Variants in SLC9A9 observed in about 807,000 individuals in gnomAD.
SLC9A9 encodes solute carrier family 9 member A9.
In SLC9A9, 62 loss-of-function variants were observed where a neutral mutation model predicts 77.8. The observed-to-expected ratio is 0.80, with a 90% CI of 0.65 to 0.98. The LOEUF (loss-of-function observed/expected upper bound fraction) is 0.98, where lower values mean the gene tolerates loss of function less well. SLC9A9 is among the 50% of genes least tolerant of loss of function. The pLI is 0.00. For synonymous variants in SLC9A9, 320 were observed against 283.5 expected, an observed-to-expected ratio of 1.13 and a Z score of -1.29; for missense variants, 775 against 774.9, an observed-to-expected ratio of 1.00 and a Z score of 0.00.
chr3:143,767,780 C>A (rs962113572), intron 4 of SLC9A9, among the ~76,000 whole-genome samples: 2 of 152,138 alleles, frequency 1.3e-5, no homozygotes, highest in Admixed American at 1.3e-4. Flanking sequence ...TAATTTCCAA[C>A]CATCTTTATC....
chr3:143,280,699 C>T (rs1220467064), intron 14 of SLC9A9, among the ~76,000 whole-genome samples: 4 of 151,834 alleles, frequency 2.6e-5, no homozygotes, highest in Admixed American at 1.3e-4. Context: ...TACAGGCTCC[C>T]GCTGCCATGC....
chr3:143,275,002 C>A (rs1233143810), intron 14 of SLC9A9, among the ~76,000 whole-genome samples: 1 of 152,152 alleles, frequency 6.6e-6, no homozygotes, highest in Non-Finnish European at 1.5e-5. Context: ...CTCATGCCTA[C>A]CTCCAGGCCT....
At chr3:143,821,545 G>A (rs1249312300) in intron 2 of SLC9A9, among the ~76,000 whole-genome samples, 1 of 152,074 alleles carries the variant, frequency 6.6e-6, no homozygotes, top group Non-Finnish European at 1.5e-5. Flanking sequence ...GGACTTTTTG[G>A]GGACGTGAAA....
chr3:143,628,450 C>G (rs975333636), intron 6 of SLC9A9, among the ~76,000 whole-genome samples: 2 of 152,038 alleles, frequency 1.3e-5, no homozygotes, highest in Admixed American at 6.6e-5. Flanking sequence ...GAATACTGTT[C>G]CAAAAGTGAA....
chr3:143,408,728 T>C (rs2034033873), intron 12 of SLC9A9, among the ~76,000 whole-genome samples: 1 of 152,156 alleles, frequency 6.6e-6, no homozygotes, highest in Non-Finnish European at 1.5e-5. Context: ...GACAAAAACA[T>C]GAGTATCATA....
intron 5 of SLC9A9, among the ~76,000 whole-genome samples, chr3:143,675,996 A>C (rs1385840845): frequency 2.6e-5 from 4 of 151,888 alleles, no homozygotes; most frequent in Non-Finnish European, 5.9e-5. Flanking sequence ...CTCGTGGGGG[A>C]TGGGGAGGAG....
chr3:143,813,377 C>A (rs919334027), intron 2 of SLC9A9, among the ~76,000 whole-genome samples: 3 of 152,060 alleles, frequency 2.0e-5, no homozygotes, highest in Admixed American at 1.3e-4. Context: ...AGGCTTTAAC[C>A]CCCTGATCCT....
intron 12 of SLC9A9, among the ~76,000 whole-genome samples, chr3:143,431,218 G>T (rs2034507039): frequency 6.6e-6 from 1 of 152,028 alleles, no homozygotes; most frequent in African/African-American, 2.4e-5. Flanking sequence ...CAATTCACAA[G>T]TCACAGCCCT....
At chr3:143,684,125 C>A (rs531486640) in intron 5 of SLC9A9, among the ~76,000 whole-genome samples, 3 of 152,102 alleles carry the variant, frequency 2.0e-5, no homozygotes, top group African/African-American at 7.2e-5. Context: ...ACATGACTGT[C>A]CCACACCACG....
intron 5 of SLC9A9, among the ~76,000 whole-genome samples, chr3:143,689,896 G>T (rs992325078): frequency 6.6e-6 from 1 of 152,026 alleles, no homozygotes; most frequent in Non-Finnish European, 1.5e-5. Context: ...TTAGGGTAAA[G>T]GAGACAGGGA....
chr3:143,483,615 C>T (rs532210540), intron 11 of SLC9A9, among the ~76,000 whole-genome samples: 1 of 152,222 alleles, frequency 6.6e-6, no homozygotes, highest in East Asian at 1.9e-4. Context: ...CTCATCAGAA[C>T]ACACTGGTAG....
intron 2 of SLC9A9, among the ~76,000 whole-genome samples, chr3:143,823,433 C>T (rs2009221310): frequency 6.6e-6 from 1 of 152,022 alleles, no homozygotes; most frequent in African/African-American, 2.4e-5. Flanking sequence ...GTAATCAGCC[C>T]CTAAGAACAT....
At chr3:143,477,511 T>C (rs1019653206) in intron 11 of SLC9A9, among the ~76,000 whole-genome samples, 4 of 151,850 alleles carry the variant, frequency 2.6e-5, no homozygotes, top group Non-Finnish European at 5.9e-5. Context: ...AGAATCCTTG[T>C]CTTAGGGAGT....
chr3:143,543,503 A>G (rs1449381403), intron 9 of SLC9A9, among the ~76,000 whole-genome samples: 1 of 152,126 alleles, frequency 6.6e-6, no homozygotes, highest in Non-Finnish European at 1.5e-5. Context: ...GGTAGTGAGC[A>G]TAGTACACAG....
chr3:143,320,200 T>A (rs914153538), intron 14 of SLC9A9, among the ~76,000 whole-genome samples: 1 of 152,246 alleles, frequency 6.6e-6, no homozygotes, highest in Non-Finnish European at 1.5e-5. Flanking sequence ...TTCATCCATC[T>A]TACTATCGTA....
chr3:143,625,308 T>A (rs1016302747), intron 6 of SLC9A9, among the ~76,000 whole-genome samples: 11 of 152,114 alleles, frequency 7.2e-5, no homozygotes, highest in African/African-American at 2.4e-4. Context: ...CATTGCCAAG[T>A]CAATCCTAAG....
At chr3:143,624,840 G>A (rs931746443) in intron 6 of SLC9A9, among the ~76,000 whole-genome samples, 3 of 152,206 alleles carry the variant, frequency 2.0e-5, no homozygotes, top group Non-Finnish European at 4.4e-5. Context: ...GTTTGCAGAT[G>A]ACATGATTGT....
intron 2 of SLC9A9, among the ~76,000 whole-genome samples, chr3:143,807,487 G>T (rs552646318): frequency 2.0e-5 from 3 of 152,160 alleles, no homozygotes; most frequent in Admixed American, 2.0e-4. Context: ...TTTATTTCAT[G>T]ATCTATGTTC....
At chr3:143,840,529 G>A (rs866998732) in intron 1 of SLC9A9, among the ~76,000 whole-genome samples, 1 of 152,186 alleles carries the variant, frequency 6.6e-6, no homozygotes, top group South Asian at 2.1e-4. Context: ...CTTGCAACAT[G>A]ACTATCCCTC....
Sources: allele counts gnomAD v4.1 joint callset (sites outside exome capture counted in the v4.1 genomes callset), GRCh38; gene constraint gnomAD v4.1.1; transcripts MANE v1.5; gene names NCBI Gene and HGNC (gene_info 2026-07-23, HGNC 2026-07-21).